Variants in STIM2 observed in about 807,000 individuals in gnomAD.
STIM2 encodes the protein stromal interaction molecule 2.
In STIM2, 31 loss-of-function variants were observed where a neutral mutation model predicts 85.8. The ratio of observed to expected loss-of-function variants is 0.36; its 90% CI spans 0.27 to 0.49. STIM2 has a LOEUF of 0.49. Among genes scored for constraint, STIM2 ranks in the 20% least tolerant of loss-of-function variants. The probability of loss-of-function intolerance (pLI) is 0.98; values close to 1 mark genes in which losing one functional copy is unlikely to be tolerated. For synonymous variants in STIM2, 356 were observed against 331.1 expected (o/e 1.08, Z -0.82); for missense variants, 841 against 927.6 (o/e 0.91, Z 1.21).
intron 3 of STIM2, among the ~76,000 whole-genome samples, chr4:26,964,440 A>G (rs1409413487): frequency 1.3e-5 from 2 of 152,218 alleles, no homozygotes; most frequent in South Asian, 2.1e-4. Context: ...TAGAAGAGTT[A>G]TAAAAAGACA....
At chr4:26,866,819 T>G (rs945106296) in intron 1 of STIM2, among the ~76,000 whole-genome samples, 2 of 152,164 alleles carry the variant, frequency 1.3e-5, no homozygotes, top group African/African-American at 4.8e-5. Context: ...TAAAACTATT[T>G]GAAGGTTTCT....
chr4:26,968,874 A>T (rs941862790), intron 3 of STIM2, among the ~76,000 whole-genome samples: 2 of 152,182 alleles, frequency 1.3e-5, no homozygotes, highest in Admixed American at 6.5e-5. Flanking sequence ...AAAAGACAAA[A>T]GGGAAGCACT....
chr4:27,000,337 G>A lies in STIM2; in HGVS notation c.625+990G>A, dbSNP rs139890807. Among the ~76,000 whole-genome samples the A allele has an allele frequency of 4.8e-3, 736 of 152,284 alleles. 8 individuals carry two copies. Among genetic ancestry groups the A allele is most frequent in the African/African-American group, 0.017 (705 of 41,552 alleles). On this transcript the variant is annotated intron_variant, in intron 5 of 11. Transcript: ENST00000467087. ...ATATGAGAGCTGGTGGAAATGCACTGTTGGTGGAAATTACAAACCCTAGGA... is the reference window on the plus strand; with the variant it reads ...ATATGAGAGCTGGTGGAAATGCACTATTGGTGGAAATTACAAACCCTAGGA...
At chr4:26,888,807 G>A (rs772319135) in intron 1 of STIM2, among the ~76,000 whole-genome samples, 6 of 152,148 alleles carry the variant, frequency 3.9e-5, no homozygotes, top group South Asian at 2.1e-4. Flanking sequence ...ATCACAGAGC[G>A]TGAAAGTAAT....
At chr4:27,019,118 G>A (rs1728829730) in intron 11 of STIM2, among the ~76,000 whole-genome samples, 1 of 152,172 alleles carries the variant, frequency 6.6e-6, no homozygotes, top group African/African-American at 2.4e-5. Flanking sequence ...TATTGCCACT[G>A]AGTAGCTATG....
intron 7 of STIM2, among the ~76,000 whole-genome samples, chr4:27,003,851 C>T (rs1728242126): frequency 6.6e-6 from 1 of 152,154 alleles, no homozygotes; most frequent in African/African-American, 2.4e-5. Context: ...ACCCACATTT[C>T]TCAGCTCATG....
chr4:26,959,411 C>A (rs1455397981), intron 3 of STIM2, among the ~76,000 whole-genome samples: 1 of 152,080 alleles, frequency 6.6e-6, no homozygotes, highest in Non-Finnish European at 1.5e-5. Flanking sequence ...ACATTGCTAA[C>A]CTCCCCTTTT....
chr4:26,871,153 A>G (rs1304673517), intron 1 of STIM2, among the ~76,000 whole-genome samples: 1 of 152,128 alleles, frequency 6.6e-6, no homozygotes, highest in Admixed American at 6.6e-5. Flanking sequence ...TGGGATTTAA[A>G]TTTTTGCCAG....
At chr4:26,933,452 C>G (rs958355859) in intron 2 of STIM2, among the ~76,000 whole-genome samples, 1 of 152,056 alleles carries the variant, frequency 6.6e-6, no homozygotes. Flanking sequence ...CAAATACAGT[C>G]CTTCAAATGG....
At chr4:26,929,722 A>T (rs1725133751) in intron 2 of STIM2, among the ~76,000 whole-genome samples, 1 of 152,068 alleles carries the variant, frequency 6.6e-6, no homozygotes, top group Non-Finnish European at 1.5e-5. Flanking sequence ...CTAATATCTG[A>T]TGGCCTATTT....
intron 3 of STIM2, among the ~76,000 whole-genome samples, chr4:26,985,116 C>G (rs1237518505): frequency 6.6e-6 from 1 of 152,128 alleles, no homozygotes; most frequent in East Asian, 1.9e-4. Context: ...TAAACATAAA[C>G]CTGTCTTGAC....
At chr4:26,954,281 G>A (rs531208838) in intron 2 of STIM2, among the ~76,000 whole-genome samples, 1 of 152,106 alleles carries the variant, frequency 6.6e-6, no homozygotes, top group Non-Finnish European at 1.5e-5. Context: ...TTATTTAAAA[G>A]AATCGTCTGA....
At chr4:27,022,072 C>T (rs1728934023) in intron 11 of STIM2, among the ~76,000 whole-genome samples, 1 of 152,012 alleles carries the variant, frequency 6.6e-6, no homozygotes, top group Non-Finnish European at 1.5e-5. Flanking sequence ...ATGTATATTT[C>T]TTCCTTCCTA....
rs899952646 is a variant in STIM2 at position 26,874,985 on chromosome 4, A to G, written c.151+13616A>G. 2.6e-5 allele frequency among the ~76,000 whole-genome samples: 4 copies of G among 152,232 alleles called. No individual in the cohort carries two copies. The East Asian group carries it at 7.7e-4, about 29-fold the overall frequency. Reference sequence around the variant, plus strand: ...AGAATAAAATTGGCAGCTTCTTCGTATTATGATTGCTACGCGTTCCAGTAC... The same window carrying G: ...AGAATAAAATTGGCAGCTTCTTCGTGTTATGATTGCTACGCGTTCCAGTAC... On this transcript the variant is annotated intron_variant, in intron 1 of 11. Coordinates refer to ENST00000467087, the MANE Select transcript of STIM2 (RefSeq NM_020860.4).
chr4:27,017,491 A>G (rs1379541747), intron 10 of STIM2, among the ~76,000 whole-genome samples: 1 of 149,586 alleles, frequency 6.7e-6, no homozygotes, highest in East Asian at 1.9e-4. Context: ...GTTTATGTTC[A>G]CTTCTGTTTG....
At chr4:26,973,657 A>C (rs1727066380) in intron 3 of STIM2, among the ~76,000 whole-genome samples, 1 of 152,060 alleles carries the variant, frequency 6.6e-6, no homozygotes, top group Non-Finnish European at 1.5e-5. Flanking sequence ...TTTACTTCCG[A>C]TTATGTGGTC....
At chr4:26,961,791 G>T (rs978221319) in intron 3 of STIM2, among the ~76,000 whole-genome samples, 6 of 151,928 alleles carry the variant, frequency 3.9e-5, no homozygotes, top group Admixed American at 6.6e-5. Flanking sequence ...AATAGACAAG[G>T]TTTTGCTCTG....
chr4:26,928,503 T>G (rs1305892836), intron 2 of STIM2, among the ~76,000 whole-genome samples: 2 of 152,182 alleles, frequency 1.3e-5, no homozygotes, highest in East Asian at 3.8e-4. Context: ...TATTTTAATC[T>G]TTTTTACCTC....
chr4:27,016,330 T>C (rs930203907), intron 10 of STIM2, among the ~76,000 whole-genome samples: 1 of 152,194 alleles, frequency 6.6e-6, no homozygotes, highest in Non-Finnish European at 1.5e-5. Context: ...GCGGATTGCT[T>C]TCTCTCTCCT....
Sources: allele counts gnomAD v4.1 joint callset (sites outside exome capture counted in the v4.1 genomes callset), GRCh38; gene constraint gnomAD v4.1.1; transcripts MANE v1.5; gene names NCBI Gene and HGNC (gene_info 2026-07-23, HGNC 2026-07-21).